The following PCNP variants were observed in gnomAD, a reference collection of about 807,000 sequenced individuals.
The protein encoded by PCNP is PEST proteolytic signal containing nuclear protein.
Under a neutral mutation model 21.8 loss-of-function variants are expected in PCNP, and 6 were observed. The ratio of observed to expected loss-of-function variants is 0.28; its 90% CI spans 0.15 to 0.54. PCNP has a LOEUF of 0.54. Ranked by LOEUF, PCNP falls within the 20% of genes least tolerant of loss-of-function variation. The pLI, the probability that PCNP is intolerant of heterozygous loss-of-function variation, is 0.95. For synonymous variants in PCNP, 67 were observed against 73.2 expected (o/e 0.92, Z 0.43); for missense variants, 161 against 215.5 (o/e 0.75, Z 1.58).
intron 2 of PCNP, 120 bp from the exon 3 acceptor site, chr3:101,585,317 T>G: frequency 1.6e-6 from 1 of 626,712 alleles, no homozygotes; most frequent in East Asian, 3.0e-5. Flanking sequence ...TTGGGTTCGT[T>G]ACTATACAAA....
intron 3 of PCNP, among the ~76,000 whole-genome samples, chr3:101,586,566 G>GAGAGAGAGAGAGAGAGTTTCT: frequency 9.4e-6 from 1 of 106,872 alleles, no homozygotes; most frequent in Non-Finnish European, 2.3e-5. Flanking sequence ...GTGTGTGTGT[G>GAGAGAGAGAGAGAGAGTTTCT]TGTGTGAGAG....
intron 2 of PCNP, among the ~76,000 whole-genome samples, chr3:101,580,591 A>G (rs1309725579): frequency 6.6e-6 from 1 of 152,122 alleles, no homozygotes; most frequent in Non-Finnish European, 1.5e-5. Context: ...GCTTGATAAG[A>G]TCTACCTAAT....
intron 1 of PCNP, among the ~76,000 whole-genome samples, chr3:101,575,982 G>A (rs566792251): frequency 1.3e-5 from 2 of 152,008 alleles, no homozygotes; most frequent in African/African-American, 2.4e-5. Flanking sequence ...TCTCCTTGCC[G>A]TTACAAGAAA....
chr3:101,575,306 A>G (rs1030474138), intron 1 of PCNP, among the ~76,000 whole-genome samples: 3 of 152,224 alleles, frequency 2.0e-5, no homozygotes, highest in Non-Finnish European at 4.4e-5. Context: ...GAAGGCCACT[A>G]GTAGACCTAC....
intron 3 of PCNP, among the ~76,000 whole-genome samples, chr3:101,587,479 A>G (rs1241241313): frequency 6.6e-6 from 1 of 151,966 alleles, no homozygotes; most frequent in African/African-American, 2.4e-5. Flanking sequence ...TGCTTTCTAT[A>G]TGTTAGCCAC....
chr3:101,576,844 C>T (rs1934935963), intron 1 of PCNP: 2 of 1,609,316 alleles, frequency 1.2e-6, no homozygotes, highest in Non-Finnish European at 1.7e-6. Context: ...TCGGCCCACA[C>T]CCTTAATGGC....
chr3:101,588,299 T>C (rs1276740390), intron 3 of PCNP, among the ~76,000 whole-genome samples: 1 of 152,124 alleles, frequency 6.6e-6, no homozygotes, highest in African/African-American at 2.4e-5. Flanking sequence ...AGAAATCAAG[T>C]ATGCATGAGC....
At chr3:101,588,500 C>CT (rs945803036) in intron 3 of PCNP, among the ~76,000 whole-genome samples, 10 of 151,504 alleles carry the variant, frequency 6.6e-5, no homozygotes, top group Admixed American at 2.6e-4. Flanking sequence ...CCGAAATCAT[C>CT]TTTTTTTTTC....
At chr3:101,590,154 G>A (rs1345449884) in intron 3 of PCNP, 61 bp from the exon 4 acceptor site, 4 of 868,962 alleles carry the variant, frequency 4.6e-6, no homozygotes, top group African/African-American at 3.4e-5. Flanking sequence ...TAGCGTATTA[G>A]TAATCAGGAA....
At chr3:101,575,453 T>C (rs1576601341) in intron 1 of PCNP, among the ~76,000 whole-genome samples, 1 of 151,416 alleles carries the variant, frequency 6.6e-6, no homozygotes, top group East Asian at 1.9e-4. Context: ...GAACTCCATC[T>C]CTCTCTTCCC....
At chr3:101,580,027 A>T (rs754842174) in intron 2 of PCNP, 23 bp downstream of exon 2, 1 of 1,508,118 alleles carries the variant, frequency 6.6e-7, no homozygotes, top group South Asian at 1.1e-5. Flanking sequence ...TTCATATATG[A>T]TGTTTGTAAT....
At chr3:101,586,380 A>G (rs1046570075) in intron 3 of PCNP, among the ~76,000 whole-genome samples, 3 of 151,916 alleles carry the variant, frequency 2.0e-5, no homozygotes, top group Non-Finnish European at 4.4e-5. Context: ...TTCCCATGTT[A>G]TGAATGACCT....
chr3:101,582,474 A>T (rs1266595895), intron 2 of PCNP, among the ~76,000 whole-genome samples: 1 of 152,164 alleles, frequency 6.6e-6, no homozygotes, highest in Non-Finnish European at 1.5e-5. Flanking sequence ...TACAGTGTAA[A>T]CACAGTCTTA....
At chr3:101,592,177 T>G (rs758952746) in intron 4 of PCNP, among the ~76,000 whole-genome samples, 5 of 151,834 alleles carry the variant, frequency 3.3e-5, no homozygotes, top group African/African-American at 4.8e-5. Context: ...TTTTTTGTTT[T>G]TTTGTTTGTT....
At chr3:101,588,522 ATAAT>A (rs1055558789) in intron 3 of PCNP, among the ~76,000 whole-genome samples, 2 of 152,176 alleles carry the variant, frequency 1.3e-5, no homozygotes, top group Admixed American at 6.6e-5. Flanking sequence ...TTTTTAAATC[ATAAT>A]TAAGTAACCT....
chr3:101,576,634 T>G, intron 1 of PCNP: 9 of 1,611,720 alleles, frequency 5.6e-6, no homozygotes, highest in Non-Finnish European at 7.6e-6. Context: ...ACGGAGCTTG[T>G]TGTCCAGACC....
At chr3:101,587,842 A>G (rs1030717941) in intron 3 of PCNP, among the ~76,000 whole-genome samples, 3 of 152,176 alleles carry the variant, frequency 2.0e-5, no homozygotes, top group Admixed American at 1.3e-4. Context: ...AATACGTGCA[A>G]AAGTGCAGAG....
intron 3 of PCNP, among the ~76,000 whole-genome samples, chr3:101,586,049 T>C (rs1935482074): frequency 6.6e-6 from 1 of 151,586 alleles, no homozygotes; most frequent in Non-Finnish European, 1.5e-5. Flanking sequence ...CACAGGCCTA[T>C]AATCCCAGCT....
At chr3:101,574,345 T>TG (rs1482011042) in intron 1 of PCNP, 66 bp downstream of exon 1, 34 of 518,278 alleles carry the variant, frequency 6.6e-5, no homozygotes, top group Non-Finnish European at 9.4e-5. Context: ...GCTCCCAGGG[T>TG]GGGGGGAGTG....
Sources: allele counts gnomAD v4.1 joint callset (sites outside exome capture counted in the v4.1 genomes callset), GRCh38; gene constraint gnomAD v4.1.1; transcripts MANE v1.5; gene names NCBI Gene and HGNC (gene_info 2026-07-23, HGNC 2026-07-21).